The following IGF1R variants were observed in gnomAD, a reference collection of about 807,000 sequenced individuals.
IGF1R encodes the protein insulin-like growth factor 1 receptor.
Under a neutral mutation model 144.6 loss-of-function variants are expected in IGF1R, and 44 were observed. The ratio of observed to expected loss-of-function variants is 0.30; its 90% CI spans 0.24 to 0.39. The LOEUF (loss-of-function observed/expected upper bound fraction) is 0.39. Ranked by LOEUF, IGF1R falls within the 10% of genes least tolerant of loss-of-function variation. IGF1R has a pLI of 1.00. For missense variants in IGF1R, 1,355 were observed against 1,833.7 expected (o/e 0.74, Z 4.77); for synonymous variants, 795 against 722.8 (o/e 1.10, Z -1.60).
rs906459676 is a variant in IGF1R, at chr15:98,957,982, G to T, written c.*540G>T. The stretch of plus-strand genomic sequence containing the variant: ...TTCTAGGGACATGAAATTTACAAAG[G>T]GCCATCGTTCATCCAAGGCTGTTAC... On this transcript the variant is annotated 3_prime_UTR_variant, in exon 21 of 21. Transcript: ENST00000650285. 4.2e-6 allele frequency: 1 copy of T among 235,494 alleles called. No individual in the cohort carries two copies. Among genetic ancestry groups the T allele is most frequent in the African/African-American group, 2.2e-5 (1 of 45,264 alleles). 14.6% of individuals were successfully genotyped at this position (235,494 alleles called of 1,614,324 possible).
In IGF1R at chr15:98,961,970, A is replaced by G. The variant is rs2017244745; in HGVS notation, c.*4528A>G. On this transcript the variant is annotated 3_prime_UTR_variant, in exon 21 of 21. Coordinates refer to ENST00000650285, the MANE Select transcript of IGF1R (RefSeq NM_000875.5). ...CCAAATGGCGAGATGCTCGGTGCACATTGGGGTGCTTTGGGATAAAAGATT... is the reference window on the plus strand; with the variant it reads ...CCAAATGGCGAGATGCTCGGTGCACGTTGGGGTGCTTTGGGATAAAAGATT... The G allele has an allele frequency of 8.6e-6, 2 of 233,226 alleles. No individual in the cohort carries two copies. Among genetic ancestry groups the G allele is most frequent in the East Asian group, 1.2e-4 (2 of 16,606 alleles). 14.4% of individuals were successfully genotyped at this position (233,226 alleles called of 1,614,324 possible). A position where few individuals can be genotyped will look rare whatever the true frequency, so the allele number is the denominator to read the frequency against.
rs11631260 is a variant in IGF1R, at chr15:98,928,538, T to G, written c.2783-1020T>G. ...TGCTTAGCTTGGGCTGGGTCCCTTG[T>G]GAGCTGGCCCTGACTTCTCTCCAGT... On this transcript the variant is annotated intron_variant, in intron 13 of 20. Coordinates refer to ENST00000650285, the MANE Select transcript of IGF1R (RefSeq NM_000875.5). Among the ~76,000 whole-genome samples the G allele has an allele frequency of 6.1e-3, 929 of 152,326 alleles. 6 individuals carry two copies. Among genetic ancestry groups the G allele is most frequent in the Non-Finnish European group, 8.3e-3 (565 of 68,024 alleles).
At chr15:98,886,708 C>T (rs774778019) in intron 2 of IGF1R, among the ~76,000 whole-genome samples, 3 of 152,136 alleles carry the variant, frequency 2.0e-5, no homozygotes, top group Non-Finnish European at 4.4e-5. Flanking sequence ...CATCTGCTGG[C>T]GAGACACACT....
At position 98,955,111 on chromosome 15, in the gene IGF1R, TG is replaced by T. The variant is rs531110473; in HGVS notation, c.3723-1945del. Among the ~76,000 whole-genome samples the T allele has an allele frequency of 3.2e-3, 484 of 152,270 alleles. 1 individual carries two copies. Among genetic ancestry groups the T allele is most frequent in the African/African-American group, 0.01 (427 of 41,544 alleles). ...TGCTTCTGTTCCCTCATCTGTAACA[TG>T]GGGGTATATTATAGTCAGTAGCACC... On this transcript the variant is annotated intron_variant, in intron 20 of 20. Coordinates refer to ENST00000650285, the MANE Select transcript of IGF1R (RefSeq NM_000875.5).
chr15:98,878,944 C>T (rs1403056104), intron 2 of IGF1R, among the ~76,000 whole-genome samples: 2 of 151,790 alleles, frequency 1.3e-5, no homozygotes, highest in South Asian at 2.1e-4. Context: ...TGCAGTGAGC[C>T]GAAATTGTGC....
At chr15:98,690,823 G>T (rs1303053430) in intron 1 of IGF1R, among the ~76,000 whole-genome samples, 1 of 152,106 alleles carries the variant, frequency 6.6e-6, no homozygotes, top group Non-Finnish European at 1.5e-5. Context: ...AGAAACTGGG[G>T]GCGGCAGGGT....
intron 1 of IGF1R, among the ~76,000 whole-genome samples, chr15:98,668,489 C>T (rs1194807492): frequency 6.6e-6 from 1 of 152,234 alleles, no homozygotes; most frequent in African/African-American, 2.4e-5. Context: ...ACATTCGCCT[C>T]TGTAACCAAA....
At chr15:98,888,438 A>AGTGT (rs1191582086) in intron 2 of IGF1R, among the ~76,000 whole-genome samples, 143 of 143,450 alleles carry the variant, frequency 1.0e-3, no homozygotes, top group Middle Eastern at 3.5e-3. Flanking sequence ...AGAGAGAGAG[A>AGTGT]GTGTGTGTGT....
intron 2 of IGF1R, among the ~76,000 whole-genome samples, chr15:98,781,123 A>C (rs893547119): frequency 6.6e-6 from 1 of 152,226 alleles, no homozygotes; most frequent in South Asian, 2.1e-4. Context: ...CCCTGTTTCA[A>C]AATAAAGAAA....
At chr15:98,902,179 T>C in intron 5 of IGF1R, among the ~76,000 whole-genome samples, 1 of 152,102 alleles carries the variant, frequency 6.6e-6, no homozygotes, top group East Asian at 1.9e-4. Context: ...CCCACCCCAA[T>C]TCAATAGGAG....
intron 1 of IGF1R, among the ~76,000 whole-genome samples, chr15:98,681,845 G>T (rs2053197665): frequency 6.6e-6 from 1 of 152,170 alleles, no homozygotes; most frequent in African/African-American, 2.4e-5. Context: ...CTGAATTTTT[G>T]TTTGCTATGT....
chr15:98,840,344 T>C (rs1415759085), intron 2 of IGF1R, among the ~76,000 whole-genome samples: 1 of 152,212 alleles, frequency 6.6e-6, no homozygotes, highest in Non-Finnish European at 1.5e-5. Context: ...GTTTTTATAG[T>C]GTCCTGTTTC....
At chr15:98,837,026 G>C (rs2011103687) in intron 2 of IGF1R, among the ~76,000 whole-genome samples, 1 of 152,160 alleles carries the variant, frequency 6.6e-6, no homozygotes, top group Admixed American at 6.5e-5. Flanking sequence ...TTTTCGCATT[G>C]TTACTGATAT....
At chr15:98,917,858 T>G (rs1048703850) in intron 10 of IGF1R, among the ~76,000 whole-genome samples, 1 of 152,222 alleles carries the variant, frequency 6.6e-6, no homozygotes. Flanking sequence ...ATGGGAATTA[T>G]TCCATAATCG....
chr15:98,961,058 C>T lies in IGF1R; in HGVS notation c.*3616C>T, dbSNP rs138949122. On this transcript the variant is annotated 3_prime_UTR_variant, in exon 21 of 21. Transcript: ENST00000650285. ...CTTTGCCTAAGCGTGGATGGCTCCT[C>T]GGCAATTCCAGCCTAAGTGAAGGCG... is the stretch of plus-strand genomic sequence containing the variant. The T allele has an allele frequency of 4.7e-5, 11 of 233,510 alleles. No homozygotes were observed. Among genetic ancestry groups the T allele is most frequent in the African/African-American group, 1.8e-4 (8 of 45,338 alleles). 14.5% of individuals were successfully genotyped at this position (233,510 alleles called of 1,614,324 possible).
At chr15:98,925,167 C>T (rs1284110803) in intron 13 of IGF1R, among the ~76,000 whole-genome samples, 2 of 152,108 alleles carry the variant, frequency 1.3e-5, no homozygotes, top group Non-Finnish European at 2.9e-5. Flanking sequence ...GGAATCTCCA[C>T]GGTAGCATCG....
intron 1 of IGF1R, among the ~76,000 whole-genome samples, chr15:98,686,716 G>T (rs1185234595): frequency 1.3e-5 from 2 of 151,414 alleles, no homozygotes; most frequent in Non-Finnish European, 2.9e-5. Flanking sequence ...TGTTGTCCAG[G>T]CTAGAGTGCA....
Position 98,878,800 on chromosome 15 carries a change from G to A in IGF1R, c.641-12525G>A, listed in dbSNP as rs558165428. Among the ~76,000 whole-genome samples, 3 of 151,758 alleles carry A rather than the reference G, an allele frequency of 2.0e-5. No homozygotes were observed. In the East Asian group the frequency reaches 5.8e-4, roughly 29 times the overall value. ...AAGGTCAGGAGAGCGAGACCATCCT[G>A]GCTAACACGGTGAAACCAACCCCGT... On this transcript the variant is annotated intron_variant, in intron 2 of 20. Transcript: ENST00000650285.
intron 2 of IGF1R, among the ~76,000 whole-genome samples, chr15:98,793,620 A>G (rs1402006992): frequency 1.3e-5 from 2 of 152,252 alleles, no homozygotes; most frequent in East Asian, 1.9e-4. Context: ...TGACAGAAAT[A>G]TTAGTAAATA....
Sources: gnomAD v4.1 joint callset for allele counts (sites outside exome capture counted in the v4.1 genomes callset) on GRCh38, gnomAD v4.1.1 for gene constraint, MANE v1.5 for transcripts, NCBI Gene and HGNC (gene_info 2026-07-23, HGNC 2026-07-21) for gene names.